PTPRD: variants seen among roughly 807,000 people sequenced by gnomAD.
The protein encoded by PTPRD is protein tyrosine phosphatase receptor type D, also known as receptor-type tyrosine-protein phosphatase delta.
Under a neutral mutation model 214.5 loss-of-function variants are expected in PTPRD, and 34 were observed. The ratio of observed to expected loss-of-function variants is 0.16; its 90% confidence interval spans 0.12 to 0.21. PTPRD has a LOEUF of 0.21. Ranked by LOEUF, PTPRD falls within the 10% of genes least tolerant of loss-of-function variation. The probability of loss-of-function intolerance (pLI) is 1.00; values close to 1 mark genes in which losing one functional copy is unlikely to be tolerated. For synonymous variants in PTPRD, 1,128 were observed against 845.7 expected, an observed-to-expected ratio of 1.33 and a Z score of -5.79; for missense variants, 2,545 against 2,398.7, an observed-to-expected ratio of 1.06 and a Z score of -1.27.
chr9:10,013,363 G>T (rs995852084), intron 4 of PTPRD, among the ~76,000 whole-genome samples: 3 of 151,812 alleles, frequency 2.0e-5, no homozygotes, highest in African/African-American at 7.3e-5. Flanking sequence ...TTAAGTAAAT[G>T]AATATTCCAT....
In PTPRD at chr9:8,765,505, G is replaced by A. The variant is rs370415108; in HGVS notation, c.-103-31559C>T. ...GCCAGCAACCATGTGAATAAGGTTA[G>A]AAGCGGGTATTATCAGTCCTGCCAA... On this transcript the variant is annotated intron_variant, in intron 11 of 45. Transcript: ENST00000381196. Among the ~76,000 whole-genome samples the A allele has an allele frequency of 4.6e-5, 7 of 152,166 alleles. No individual in the cohort carries two copies. In the East Asian group the frequency reaches 9.7e-4, roughly 21 times the overall value.
chr9:10,500,270 A>G lies in PTPRD; in HGVS notation c.-600+112128T>C, dbSNP rs188891342. On this transcript the variant is annotated intron_variant, in intron 2 of 45. Transcript: ENST00000381196. ...AGATGGCCTATCCCTGAAACTATTA[A>G]CTCCTTGAAGGCCACAGACTTCATT... Among the ~76,000 whole-genome samples the G allele has an allele frequency of 1.8e-4, 27 of 151,770 alleles. No individual in the cohort carries two copies. The East Asian group carries it at 4.3e-3, about 24-fold the overall frequency.
intron 3 of PTPRD, among the ~76,000 whole-genome samples, chr9:10,145,494 T>C (rs2099016050): frequency 6.6e-6 from 1 of 152,184 alleles, no homozygotes; most frequent in African/African-American, 2.4e-5. Flanking sequence ...CTTAATAACA[T>C]TTTCTGTTCT....
chr9:9,260,759 C>T (rs1051880972), intron 9 of PTPRD, among the ~76,000 whole-genome samples: 3 of 151,776 alleles, frequency 2.0e-5, no homozygotes, highest in Admixed American at 6.6e-5. Flanking sequence ...AAATGGTAGA[C>T]GACACTTTTC....
rs981216329 is a variant in PTPRD, at chr9:9,479,354, C to G, written c.-236-81872G>C. Among the ~76,000 whole-genome samples the G allele has an allele frequency of 2.6e-4, 38 of 147,358 alleles. 1 individual carries two copies. ...GAAAATGTGAAAACTGATGCACACA[C>G]ACACACACACACACACACATACACT... On this transcript the variant is annotated intron_variant, in intron 8 of 45. Transcript: ENST00000381196.
intron 4 of PTPRD, among the ~76,000 whole-genome samples, chr9:9,999,616 C>T (rs920952681): frequency 2.0e-5 from 3 of 152,166 alleles, no homozygotes; most frequent in Admixed American, 1.3e-4. Context: ...GTTATAGTCA[C>T]GCTACTATTT....
chr9:9,396,670 T>C lies in PTPRD; in HGVS notation c.-203+779A>G, dbSNP rs1366642971. Among the ~76,000 whole-genome samples the C allele has an allele frequency of 3.3e-5, 5 of 151,882 alleles. No homozygotes were observed. The Admixed American group carries it at 3.3e-4, about 10-fold the overall frequency. The stretch of plus-strand genomic sequence containing the variant: ...TAGTCTGAGGGAAGGGGGAGGATGC[T>C]ATACAAAGACACTCTTTCATAACAT... On this transcript the variant is annotated intron_variant, in intron 9 of 45. Transcript: ENST00000381196.
intron 3 of PTPRD, among the ~76,000 whole-genome samples, chr9:10,105,487 C>A (rs1013861273): frequency 2.0e-5 from 3 of 151,746 alleles, no homozygotes; most frequent in Non-Finnish European, 4.4e-5. Context: ...ATTCTTGCCC[C>A]TCCACTTTTA....
At chr9:9,647,501 T>A (rs932039459) in intron 7 of PTPRD, among the ~76,000 whole-genome samples, 1 of 152,230 alleles carries the variant, frequency 6.6e-6, no homozygotes, top group East Asian at 1.9e-4. Context: ...ATATGTGTGC[T>A]TACTTTTGCC....
At chr9:10,412,512 C>T (rs1312304003) in intron 2 of PTPRD, among the ~76,000 whole-genome samples, 1 of 151,516 alleles carries the variant, frequency 6.6e-6, no homozygotes, top group African/African-American at 2.4e-5. Flanking sequence ...GGTACCATTC[C>T]TACTGAAACT....
intron 7 of PTPRD, among the ~76,000 whole-genome samples, chr9:9,672,857 A>C (rs1411785092): frequency 6.6e-6 from 1 of 152,112 alleles, no homozygotes; most frequent in East Asian, 1.9e-4. Context: ...ACAGTATAAA[A>C]GTGCTAAAGA....
At chr9:9,806,501 T>C (rs2099074163) in intron 5 of PTPRD, among the ~76,000 whole-genome samples, 1 of 152,110 alleles carries the variant, frequency 6.6e-6, no homozygotes, top group South Asian at 2.1e-4. Flanking sequence ...TGTAACATTC[T>C]CCCAGCCCTT....
chr9:8,487,118 G>A lies in PTPRD; in HGVS notation c.2468-769C>T, dbSNP rs182409272. On this transcript the variant is annotated intron_variant, in intron 27 of 45. Coordinates refer to ENST00000381196, the MANE Select transcript of PTPRD (RefSeq NM_002839.4). ...ATCTGTAAAATGGGAATTATATTAA[G>A]AGCTATTTTATATTGTTCTTATGAA... 7.0e-4 allele frequency among the ~76,000 whole-genome samples: 106 copies of A among 152,210 alleles called. 2 individuals carry two copies. In the East Asian group the frequency reaches 0.019, roughly 28 times the overall value.
intron 9 of PTPRD, among the ~76,000 whole-genome samples, chr9:9,299,935 C>G (rs1405384938): frequency 6.7e-6 from 1 of 149,672 alleles, no homozygotes. Context: ...CAGCTATAGG[C>G]CTAAATATTC....
chr9:9,309,898 CTCTG>C (rs1958374138), intron 9 of PTPRD, among the ~76,000 whole-genome samples: 1 of 152,056 alleles, frequency 6.6e-6, no homozygotes, highest in Non-Finnish European at 1.5e-5. Context: ...TTAAATAGGA[CTCTG>C]TCTGCTTGAG....
rs145217795 is a variant in PTPRD, at chr9:10,005,760, C to A, written c.-472+27958G>T. Among the ~76,000 whole-genome samples the A allele has an allele frequency of 3.9e-5, 6 of 152,064 alleles. No homozygotes were observed. The East Asian group carries it at 1.2e-3, about 29-fold the overall frequency. ...ATGAAAATATACATAGTCTTTAACCCAGTTATTGCCCTTAGAGAGACCCTC... is the reference window on the plus strand; with the variant it reads ...ATGAAAATATACATAGTCTTTAACCAAGTTATTGCCCTTAGAGAGACCCTC... On this transcript the variant is annotated intron_variant, in intron 4 of 45. Coordinates refer to ENST00000381196, the MANE Select transcript of PTPRD (RefSeq NM_002839.4).
At chr9:9,551,475 T>G (rs925256929) in intron 8 of PTPRD, among the ~76,000 whole-genome samples, 6 of 151,306 alleles carry the variant, frequency 4.0e-5, no homozygotes, top group Non-Finnish European at 8.9e-5. Flanking sequence ...AACACATTAG[T>G]GAAATGGTAA....
chr9:9,072,125 C>A (rs547295325), intron 10 of PTPRD, among the ~76,000 whole-genome samples: 6 of 151,982 alleles, frequency 3.9e-5, no homozygotes, highest in African/African-American at 1.5e-4. Flanking sequence ...ATAGTGTTAC[C>A]AAACTTTAAA....
Position 10,567,390 on chromosome 9 carries a change from T to A in PTPRD, c.-600+45008A>T, listed in dbSNP as rs1383468387. 2.7e-5 allele frequency among the ~76,000 whole-genome samples: 4 copies of A among 150,480 alleles called. No homozygotes were observed. In the East Asian group the frequency reaches 5.9e-4, roughly 22 times the overall value. On this transcript the variant is annotated intron_variant, in intron 2 of 45. Transcript: ENST00000381196. The stretch of plus-strand genomic sequence containing the variant: ...AATACTATAGCTTTTCTGCAAAAAA[T>A]AATTAGAATATAAAACTTCTATTTC...
Sources: gnomAD v4.1 joint callset for allele counts (sites outside exome capture counted in the v4.1 genomes callset) on GRCh38, gnomAD v4.1.1 for gene constraint, MANE v1.5 for transcripts, NCBI Gene and HGNC (gene_info 2026-07-23, HGNC 2026-07-21) for gene names.